APBA1: variants seen among roughly 807,000 people sequenced by gnomAD.
The protein encoded by APBA1 is amyloid-beta A4 precursor protein-binding family A member 1.
A neutral mutation model predicts 86.6 loss-of-function variants in APBA1; 55 were observed. The observed-to-expected ratio is 0.64, with a 90% confidence interval of 0.51 to 0.80. The LOEUF is 0.80. Ranked by LOEUF, APBA1 falls within the 30% of genes least tolerant of loss-of-function variation. The probability of loss-of-function intolerance (pLI) is 0.00; values close to 1 mark genes in which losing one functional copy is unlikely to be tolerated. For missense variants in APBA1, 1,090 were observed against 1,183.0 expected, an observed-to-expected ratio of 0.92 and a Z score of 1.15; for synonymous variants, 511 against 493.9, an observed-to-expected ratio of 1.03 and a Z score of -0.46.
chr9:69,542,310 G>A (rs1836625829), intron 1 of APBA1, among the ~76,000 whole-genome samples: 1 of 152,192 alleles, frequency 6.6e-6, no homozygotes, highest in South Asian at 2.1e-4. Flanking sequence ...GTTCGCGCAT[G>A]ATGTACACTC....
chr9:69,569,442 C>T (rs1245976643), intron 1 of APBA1, among the ~76,000 whole-genome samples: 2 of 110,494 alleles, frequency 1.8e-5, no homozygotes, highest in African/African-American at 3.5e-5. Context: ...TTGGTTGTCA[C>T]GTGTGAGTGT....
intron 1 of APBA1, among the ~76,000 whole-genome samples, chr9:69,660,503 G>A (rs1230429053): frequency 6.6e-6 from 1 of 152,128 alleles, no homozygotes; most frequent in Non-Finnish European, 1.5e-5. Flanking sequence ...TGAAATGTTG[G>A]TTTTGTTTGT....
chr9:69,441,473 CA>C (rs1834823311), intron 10 of APBA1, among the ~76,000 whole-genome samples: 1 of 152,190 alleles, frequency 6.6e-6, no homozygotes, highest in Non-Finnish European at 1.5e-5. Context: ...GAAGGAGGCA[CA>C]CTATTTCCCC....
intron 1 of APBA1, among the ~76,000 whole-genome samples, chr9:69,652,975 T>G (rs1823535971): frequency 6.7e-6 from 1 of 149,804 alleles, no homozygotes; most frequent in Non-Finnish European, 1.5e-5. Context: ...CCAGCCTGGG[T>G]GACAGAGTGA....
chr9:69,516,265 G>T lies in APBA1; in HGVS notation c.946C>A (p.Leu316Met). 1 of 1,434,478 alleles carries T rather than the reference G, an allele frequency of 7.0e-7. No individual in the cohort carries two copies. The highest frequency in any genetic ancestry group is 1.5e-5 in the African/African-American group (1 of 66,916). 88.9% of individuals were successfully genotyped at this position (1,434,478 alleles called of 1,614,324 possible). A position where few individuals can be genotyped will look rare whatever the true frequency, so the allele number is the denominator to read the frequency against. ...CGCTGCTGCCCCGCCGGCGCCTGCA[G>T]CCCGGGGCTGTCGGGGCGACCCCCG... is the stretch of plus-strand genomic sequence containing the variant. ...PAGGRPDSPGLQAPAGQQRAV... is the reference protein window; with the variant it reads ...PAGGRPDSPGMQAPAGQQRAV... Residue 316 changes from leucine to methionine, a missense_variant, in exon 2 of 13, where the codon CTG becomes ATG. Around this residue, in one of 6 missense-constraint regions of APBA1, gnomAD observed 678 missense variants for 647.1 expected, o/e 1.05. Coordinates refer to ENST00000265381, the MANE Select transcript of APBA1 (RefSeq NM_001163.4). This position sits in a 1 kb window ranked among gnomAD's most constrained non-coding sequence, Gnocchi z 7.3.
At chr9:69,491,604 T>G (rs1272582612) in intron 2 of APBA1, among the ~76,000 whole-genome samples, 5 of 128,452 alleles carry the variant, frequency 3.9e-5, no homozygotes, top group African/African-American at 1.7e-4. Flanking sequence ...AAAGTATTAT[T>G]TAAAAAAAAA....
chr9:69,459,100 G>A (rs1213171720), intron 5 of APBA1, among the ~76,000 whole-genome samples: 1 of 152,164 alleles, frequency 6.6e-6, no homozygotes, highest in Non-Finnish European at 1.5e-5. Flanking sequence ...CACCGCGCCT[G>A]GCCTCTAGTT....
intron 2 of APBA1, among the ~76,000 whole-genome samples, chr9:69,482,011 A>G (rs1835518939): frequency 6.6e-6 from 1 of 151,018 alleles, no homozygotes; most frequent in African/African-American, 2.4e-5. Flanking sequence ...CTAAAACCAT[A>G]AAAACCCTAG....
In APBA1 at chr9:69,427,752, A is replaced by G. The variant is rs562478573; in HGVS notation, c.*3575T>C. ...GTGTCCACATTCCAGGCTCACGTGT[A>G]GATATATTTTATTTATATATTTATT... On this transcript the variant is annotated 3_prime_UTR_variant, in exon 13 of 13. Transcript: ENST00000265381. The G allele has an allele frequency of 8.5e-5, 13 of 152,152 alleles. No homozygotes were observed. The highest frequency in any genetic ancestry group is 3.1e-4 in the African/African-American group (13 of 41,544). 9.4% of individuals were successfully genotyped at this position (152,152 alleles called of 1,614,324 possible).
chr9:69,513,715 C>A (rs924392401), intron 2 of APBA1, among the ~76,000 whole-genome samples: 1 of 152,218 alleles, frequency 6.6e-6, no homozygotes, highest in African/African-American at 2.4e-5. Context: ...GTTCCCTTCC[C>A]TACTGGTTTC....
intron 3 of APBA1, chr9:69,472,453 T>A (rs1835381565): frequency 1.3e-5 from 2 of 152,154 alleles, no homozygotes; most frequent in Non-Finnish European, 2.9e-5. Flanking sequence ...TAACACTGAC[T>A]GAGATAAGAG....
chr9:69,520,207 T>C (rs980007067), intron 1 of APBA1, among the ~76,000 whole-genome samples: 2 of 151,854 alleles, frequency 1.3e-5, no homozygotes, highest in Admixed American at 1.3e-4. Context: ...AGTTGATGCT[T>C]AGGTTTATCC....
At chr9:69,605,651 G>A (rs1822456157) in intron 1 of APBA1, among the ~76,000 whole-genome samples, 1 of 152,230 alleles carries the variant, frequency 6.6e-6, no homozygotes, top group Non-Finnish European at 1.5e-5. Context: ...TTGAGCTGCT[G>A]ACTATTAAGG....
At chr9:69,453,824 A>G (rs1454268301) in intron 8 of APBA1, among the ~76,000 whole-genome samples, 1 of 152,278 alleles carries the variant, frequency 6.6e-6, no homozygotes, top group Non-Finnish European at 1.5e-5. Flanking sequence ...CCAGCAGGCA[A>G]GGCAAGTTTA....
Position 69,521,991 on chromosome 9 carries a change from C to G in APBA1, c.-69-4712G>C, listed in dbSNP as rs1275773364. On this transcript the variant is annotated intron_variant, in intron 1 of 12. Transcript: ENST00000265381. Reference sequence around the variant, plus strand: ...GATTGATAAGGCCCAACTAAGCCTCCCTTTGTGCCCGCTGTGCTTTTTCTC... The same window carrying G: ...GATTGATAAGGCCCAACTAAGCCTCGCTTTGTGCCCGCTGTGCTTTTTCTC... 2.0e-5 allele frequency among the ~76,000 whole-genome samples: 3 copies of G among 151,422 alleles called. No individual in the cohort carries two copies. In the East Asian group the frequency reaches 5.8e-4, roughly 29 times the overall value.
intron 1 of APBA1, among the ~76,000 whole-genome samples, chr9:69,558,260 T>C (rs1429451278): frequency 2.6e-5 from 4 of 152,180 alleles, no homozygotes; most frequent in African/African-American, 9.6e-5. Context: ...AAGTCTCTTA[T>C]AAATAGCATG....
At chr9:69,460,009 G>T (rs1835163801) in intron 5 of APBA1, among the ~76,000 whole-genome samples, 1 of 152,184 alleles carries the variant, frequency 6.6e-6, no homozygotes, top group East Asian at 1.9e-4. Flanking sequence ...TGTGGTAATG[G>T]GATTGGGGTG....
At chr9:69,598,110 A>T (rs1588385833) in intron 1 of APBA1, among the ~76,000 whole-genome samples, 2 of 152,058 alleles carry the variant, frequency 1.3e-5, no homozygotes, top group East Asian at 3.8e-4. Context: ...AGCCATAAAA[A>T]ATGATGAGTT....
At chr9:69,458,232 G>T (rs762496467) in intron 5 of APBA1, 44 bp from the exon 6 acceptor site, 3 of 1,566,354 alleles carry the variant, frequency 1.9e-6, no homozygotes, top group Admixed American at 1.9e-5. Context: ...TAGTTAGAAA[G>T]AATGTGTAGA....
Sources: allele counts gnomAD v4.1 joint callset (sites outside exome capture counted in the v4.1 genomes callset), GRCh38; gene constraint gnomAD v4.1.1; regional missense constraint gnomAD v4.1.1; non-coding constraint Gnocchi (gnomAD v3.1); transcripts MANE v1.5; gene names NCBI Gene and HGNC (gene_info 2026-07-23, HGNC 2026-07-21).